Variants in PARP8 observed in about 807,000 individuals in gnomAD.
PARP8 encodes protein mono-ADP-ribosyltransferase PARP8.
Under a neutral mutation model 124.1 loss-of-function variants are expected in PARP8, and 51 were observed. The ratio of observed to expected loss-of-function variants is 0.41; its 90% CI spans 0.33 to 0.52. The LOEUF is 0.52. Among genes scored for constraint, PARP8 ranks in the 20% least tolerant of loss-of-function variants. The pLI is 0.21. For missense variants in PARP8, 860 were observed against 1,018.9 expected, an observed-to-expected ratio of 0.84 and a Z score of 2.12; for synonymous variants, 391 against 361.5, an observed-to-expected ratio of 1.08 and a Z score of -0.93.
At chr5:50,754,623 GA>G (rs1253580882) in intron 3 of PARP8, among the ~76,000 whole-genome samples, 1 of 152,114 alleles carries the variant, frequency 6.6e-6, no homozygotes, top group Non-Finnish European at 1.5e-5. Context: ...TTGCTATTGT[GA>G]ATAGTGCTGC....
intron 7 of PARP8, among the ~76,000 whole-genome samples, chr5:50,767,461 A>C (rs1191968679): frequency 6.6e-6 from 1 of 152,204 alleles, no homozygotes; most frequent in South Asian, 2.1e-4. Flanking sequence ...AACCACGGGG[A>C]CATAATCTAG....
intron 2 of PARP8, among the ~76,000 whole-genome samples, chr5:50,685,117 G>GC (rs1273964972): frequency 6.6e-6 from 1 of 152,126 alleles, no homozygotes; most frequent in Admixed American, 6.5e-5. Flanking sequence ...TGATAAGTAA[G>GC]CCAGGATTTC....
intron 2 of PARP8, among the ~76,000 whole-genome samples, chr5:50,672,029 C>T (rs1750085678): frequency 6.6e-6 from 1 of 152,132 alleles, no homozygotes; most frequent in South Asian, 2.1e-4. Flanking sequence ...TTCCTTAAAG[C>T]ACAGGCTCCT....
chr5:50,709,922 GTATATATA>G (rs200521595), intron 2 of PARP8, among the ~76,000 whole-genome samples: 12,737 of 93,864 alleles, frequency 0.14, 866 homozygotes, highest in East Asian at 0.2. Context: ...TAGAAAGAGT[GTATATATA>G]TATATATATA....
chr5:50,751,103 TTA>T (rs149932017), intron 3 of PARP8, among the ~76,000 whole-genome samples: 127,830 of 151,422 alleles, frequency 0.84, 54,346 homozygotes, highest in East Asian at 0.96. Context: ...GTACAGGACT[TTA>T]AGTCAAGGTA....
At chr5:50,713,049 A>G (rs1032272652) in intron 2 of PARP8, among the ~76,000 whole-genome samples, 1 of 151,902 alleles carries the variant, frequency 6.6e-6, no homozygotes, top group African/African-American at 2.4e-5. Flanking sequence ...TTTCAAAACC[A>G]CTCATGTCAG....
chr5:50,833,237 C>T (rs891495065), intron 23 of PARP8, among the ~76,000 whole-genome samples: 2 of 152,008 alleles, frequency 1.3e-5, no homozygotes, highest in African/African-American at 4.8e-5. Context: ...ACATTTAATG[C>T]TGTCAGGTGG....
chr5:50,734,581 C>CT (rs1403777352), intron 2 of PARP8, among the ~76,000 whole-genome samples: 1 of 151,896 alleles, frequency 6.6e-6, no homozygotes, highest in Non-Finnish European at 1.5e-5. Flanking sequence ...GTCTCTTTTC[C>CT]TTTTTTATGT....
intron 2 of PARP8, among the ~76,000 whole-genome samples, chr5:50,740,197 A>G (rs1156407655): frequency 1.3e-5 from 2 of 151,288 alleles, no homozygotes; most frequent in African/African-American, 4.9e-5. Flanking sequence ...GCAAATATTA[A>G]TAAGTCATAC....
upstream of PARP8, chr5:50,666,261 T>C (rs1243915644): frequency 6.6e-6 from 1 of 152,354 alleles, no homozygotes; most frequent in East Asian, 1.9e-4. Context: ...TTGTTCGTTT[T>C]ATTATTTTTT....
At chr5:50,834,307 G>T (rs1747324247) in intron 24 of PARP8, among the ~76,000 whole-genome samples, 1 of 152,072 alleles carries the variant, frequency 6.6e-6, no homozygotes, top group Non-Finnish European at 1.5e-5. Flanking sequence ...ATATCTTTCT[G>T]ATCAAGTAAT....
chr5:50,683,673 T>C (rs1471540942), intron 2 of PARP8, among the ~76,000 whole-genome samples: 3 of 152,220 alleles, frequency 2.0e-5, no homozygotes, highest in Admixed American at 6.5e-5. Context: ...TATCTTCTAC[T>C]GTAAGAGATA....
intron 14 of PARP8, among the ~76,000 whole-genome samples, chr5:50,797,733 A>C (rs78234329): frequency 0.011 from 1,728 of 152,352 alleles, 34 homozygotes; most frequent in African/African-American, 0.04. Flanking sequence ...TCAAAGGAGT[A>C]TGAAAATAAG....
chr5:50,688,457 T>C (rs1752115691), intron 2 of PARP8, among the ~76,000 whole-genome samples: 1 of 152,184 alleles, frequency 6.6e-6, no homozygotes, highest in Non-Finnish European at 1.5e-5. Context: ...CACTGGGAAA[T>C]ATACCAGAAT....
rs570652419 is a variant in PARP8, at chr5:50,834,016, G to T, written c.2345G>T (p.Ser782Ile). The T allele has an allele frequency of 6.2e-7, 1 of 1,612,596 alleles. No individual in the cohort carries two copies. Among genetic ancestry groups the T allele is most frequent in the East Asian group, 2.2e-5 (1 of 44,744 alleles). The part of the protein sequence containing the change: ...KKGQQSQFLQ[S>I]RNLKCIALCE... ...GGACAGCAATCCCAATTCCTGCAAA[G>T]CCGTAACTTAAAATGCATAGCCTTA... Residue 782 changes from serine (S) to isoleucine (I), a missense_variant, in exon 24 of 26, where the codon AGC becomes ATC. By Grantham distance (142) the Ser-to-Ile change is moderately radical. Around this residue, in one of 2 missense-constraint regions of PARP8, gnomAD observed 343 missense variants for 474.7 expected, o/e 0.72. Coordinates refer to ENST00000281631, the MANE Select transcript of PARP8 (RefSeq NM_024615.4).
In PARP8 at chr5:50,845,105, T is replaced by C. The variant is rs1187410862; in HGVS notation, c.*3037T>C. 1.3e-5 allele frequency: 2 copies of C among 151,682 alleles called. No homozygotes were observed. The highest frequency in any genetic ancestry group is 6.6e-5 in the Admixed American group (1 of 15,186). 9.4% of individuals were successfully genotyped at this position (151,682 alleles called of 1,614,324 possible). On this transcript the variant is annotated 3_prime_UTR_variant, in exon 26 of 26. Coordinates refer to ENST00000281631, the MANE Select transcript of PARP8 (RefSeq NM_024615.4). ...ATTGTTAATGCTCTGAATGTTTTTC[T>C]TTGAAAATTTAAGTTTAGAGAAGAA...
chr5:50,829,772 A>C, intron 21 of PARP8, 120 bp from the exon 22 acceptor site: 2 of 953,728 alleles, frequency 2.1e-6, no homozygotes, highest in Non-Finnish European at 2.9e-6. Flanking sequence ...ACCTTGGAAT[A>C]GAAGCTCTGT....
chr5:50,830,834 G>C (rs1746884029), intron 22 of PARP8, among the ~76,000 whole-genome samples: 1 of 152,006 alleles, frequency 6.6e-6, no homozygotes, highest in Non-Finnish European at 1.5e-5. Flanking sequence ...GTGTGTGTGT[G>C]TGTGTGTGTG....
In PARP8 at chr5:50,682,122, A is replaced by G. The variant is rs1436361258; in HGVS notation, c.146+13997A>G. Among the ~76,000 whole-genome samples the G allele has an allele frequency of 2.0e-5, 3 of 152,152 alleles. No homozygotes were observed. The East Asian group carries it at 5.8e-4, about 29-fold the overall frequency. On this transcript the variant is annotated intron_variant, in intron 2 of 25. Coordinates refer to ENST00000281631, the MANE Select transcript of PARP8 (RefSeq NM_024615.4). ...AATATTGCACATGGGACCATTTGTCATATTGGCAGATGGCAATACATAGAT... is the reference window on the plus strand; with the variant it reads ...AATATTGCACATGGGACCATTTGTCGTATTGGCAGATGGCAATACATAGAT...
Sources: gnomAD v4.1 joint callset for allele counts (sites outside exome capture counted in the v4.1 genomes callset) on GRCh38, gnomAD v4.1.1 for gene constraint, gnomAD v4.1.1 regional missense constraint, MANE v1.5 for transcripts, NCBI Gene and HGNC (gene_info 2026-07-23, HGNC 2026-07-21) for gene names.